Variants in SEPTIN9 observed in about 807,000 individuals in gnomAD.
SEPTIN9 encodes the protein septin 9.
A neutral mutation model predicts 56.6 loss-of-function variants in SEPTIN9; 13 were observed. The ratio of observed to expected loss-of-function variants is 0.23; its 90% CI spans 0.15 to 0.37. The LOEUF (loss-of-function observed/expected upper bound fraction) is 0.37. SEPTIN9 is among the 10% of genes least tolerant of loss of function. The probability of loss-of-function intolerance (pLI) is 1.00; values close to 1 mark genes in which losing one functional copy is unlikely to be tolerated. For missense variants in SEPTIN9, 650 were observed against 823.1 expected (o/e 0.79, Z 2.57); for synonymous variants, 332 against 334.1 (o/e 0.99, Z 0.07).
At chr17:77,351,816 A>C (rs1299971844) in intron 2 of SEPTIN9, among the ~76,000 whole-genome samples, 1 of 152,242 alleles carries the variant, frequency 6.6e-6, no homozygotes, top group East Asian at 1.9e-4. Flanking sequence ...GGTGCAGAGA[A>C]GGGAACTGAG....
intron 3 of SEPTIN9, among the ~76,000 whole-genome samples, chr17:77,479,168 A>G (rs989362918): frequency 7.2e-5 from 11 of 152,198 alleles, no homozygotes; most frequent in African/African-American, 2.7e-4. Flanking sequence ...CGTTATGACA[A>G]TTAAAAGGAA....
At chr17:77,404,998 C>T (rs2036016315) in intron 3 of SEPTIN9, 3 of 1,294,352 alleles carry the variant, frequency 2.3e-6, no homozygotes, top group Admixed American at 4.5e-5. Context: ...GTGCCGGATA[C>T]ACCCCCATCC....
chr17:77,496,754 G>T (rs757533083), intron 10 of SEPTIN9, among the ~76,000 whole-genome samples: 2 of 152,218 alleles, frequency 1.3e-5, no homozygotes, highest in Non-Finnish European at 2.9e-5. Context: ...GTGAATGGTC[G>T]TCCACAGTAC....
At chr17:77,398,776 G>C (rs967961901) in intron 2 of SEPTIN9, among the ~76,000 whole-genome samples, 2 of 152,214 alleles carry the variant, frequency 1.3e-5, no homozygotes, top group African/African-American at 4.8e-5. Flanking sequence ...ACTCGCCTTT[G>C]AGCAGCGCCG....
At chr17:77,480,867 G>T (rs531733279) in intron 3 of SEPTIN9, among the ~76,000 whole-genome samples, 1 of 152,170 alleles carries the variant, frequency 6.6e-6, no homozygotes, top group African/African-American at 2.4e-5. Flanking sequence ...GCAGGGCCTG[G>T]ATGGGCCCAA....
intron 2 of SEPTIN9, among the ~76,000 whole-genome samples, chr17:77,351,646 G>T (rs984174108): frequency 6.6e-6 from 1 of 152,256 alleles, no homozygotes; most frequent in Non-Finnish European, 1.5e-5. Flanking sequence ...CATGGGCCAA[G>T]GTCAGAGAGC....
chr17:77,499,648 G>T lies in SEPTIN9; in HGVS notation c.*990G>T. 1 of 434,024 alleles carries T rather than the reference G, an allele frequency of 2.3e-6. No individual in the cohort carries two copies. The highest frequency in any genetic ancestry group is 2.1e-5 in the South Asian group (1 of 48,690). The allele number at this position is 434,024 out of a possible 1,614,324, so 26.9% of individuals were successfully genotyped here. A position where few individuals can be genotyped will look rare whatever the true frequency, so the allele number is the denominator to read the frequency against. On this transcript the variant is annotated 3_prime_UTR_variant, in exon 12 of 12. Coordinates refer to ENST00000427177, the MANE Select transcript of SEPTIN9 (RefSeq NM_001113491.2). ...CCTGCCCAAGTGACCAGGGAAGTGT[G>T]TGTGTGTCCATGTGTATGCGTGTCC...
intron 3 of SEPTIN9, among the ~76,000 whole-genome samples, chr17:77,439,516 C>T (rs1224426274): frequency 6.6e-6 from 1 of 152,194 alleles, no homozygotes; most frequent in African/African-American, 2.4e-5. Flanking sequence ...TGGTGGGCGT[C>T]CCCACCTTGC....
At chr17:77,333,623 T>G (rs1243672937) in intron 2 of SEPTIN9, among the ~76,000 whole-genome samples, 1 of 152,238 alleles carries the variant, frequency 6.6e-6, no homozygotes, top group African/African-American at 2.4e-5. Context: ...TGTGGTTCTC[T>G]CTCTGTGTTC....
intron 3 of SEPTIN9, chr17:77,446,126 T>C (rs982574946): frequency 4.2e-5 from 7 of 167,242 alleles, no homozygotes; most frequent in Admixed American, 6.5e-5. Flanking sequence ...TAACTGCTTA[T>C]CACAAACTCA....
intron 3 of SEPTIN9, among the ~76,000 whole-genome samples, chr17:77,478,087 G>A (rs568067448): frequency 6.6e-6 from 1 of 152,014 alleles, no homozygotes; most frequent in Admixed American, 6.6e-5. Flanking sequence ...AATTCAGTGA[G>A]GGTCTTGTGC....
intron 2 of SEPTIN9, among the ~76,000 whole-genome samples, chr17:77,393,341 C>T (rs1030393248): frequency 6.6e-6 from 1 of 152,144 alleles, no homozygotes; most frequent in Non-Finnish European, 1.5e-5. Flanking sequence ...CTGCTCACTC[C>T]TTCCAGCCTT....
chr17:77,355,699 C>G (rs1049955045), intron 2 of SEPTIN9, among the ~76,000 whole-genome samples: 1 of 151,960 alleles, frequency 6.6e-6, no homozygotes, highest in Non-Finnish European at 1.5e-5. Flanking sequence ...GAAGTGCTCC[C>G]TGGCCGGGCG....
At chr17:77,444,275 G>A (rs57382642) in intron 3 of SEPTIN9, among the ~76,000 whole-genome samples, 5,569 of 152,250 alleles carry the variant, frequency 0.037, 308 homozygotes, top group African/African-American at 0.12. Context: ...GTGATAAAGC[G>A]GGAGGGGTCC....
intron 1 of SEPTIN9, among the ~76,000 whole-genome samples, chr17:77,282,229 C>T (rs1432097559): frequency 6.6e-6 from 1 of 152,204 alleles, no homozygotes; most frequent in Admixed American, 6.5e-5. Context: ...TTCCATTTCA[C>T]AGATGGGCAC....
intron 3 of SEPTIN9, chr17:77,472,839 T>A (rs552295690): frequency 2.0e-5 from 3 of 152,190 alleles, no homozygotes; most frequent in Non-Finnish European, 4.4e-5. Context: ...AGTTAACAAA[T>A]TAGATGAGCT....
chr17:77,463,388 G>T lies in SEPTIN9; in HGVS notation c.722-18756G>T, dbSNP rs151056549. On this transcript the variant is annotated intron_variant, in intron 3 of 11. Transcript: ENST00000427177. ...TTTGCCCCGAGAATACTCACCAGCA[G>T]TGCTTGTGGCTGCAGCGTTCACCCC... Among the ~76,000 whole-genome samples, 8 of 152,310 alleles carry T rather than the reference G, an allele frequency of 5.3e-5. No homozygotes were observed. In the South Asian group the frequency reaches 1.2e-3, roughly 24 times the overall value.
rs11077901 is a variant in SEPTIN9, at chr17:77,327,289, T to C, written c.76+20092T>C. On this transcript the variant is annotated intron_variant, in intron 2 of 11. Transcript: ENST00000427177. The surrounding 1 kb of genome is among the most constrained non-coding windows in gnomAD (Gnocchi z 5.0). ...GCTCCCACCAGGGGCTGAGGCCTCC[T>C]TGCTCACTCCAGCTTCCTGGCCCGT... 0.68 allele frequency among the ~76,000 whole-genome samples: 103,589 copies of C among 151,902 alleles called. 35,390 individuals are homozygous for C. Among genetic ancestry groups the C allele is most frequent in the East Asian group, 0.78 (4,025 of 5,132 alleles).
At chr17:77,409,028 G>C (rs1241302755) in intron 3 of SEPTIN9, among the ~76,000 whole-genome samples, 3 of 152,090 alleles carry the variant, frequency 2.0e-5, no homozygotes, top group Admixed American at 6.5e-5. Context: ...TTTCTGTGGG[G>C]CTGTGTGCTT....
Sources: gnomAD v4.1 joint callset for allele counts (sites outside exome capture counted in the v4.1 genomes callset) on GRCh38, gnomAD v4.1.1 for gene constraint, Gnocchi (gnomAD v3.1) non-coding constraint, MANE v1.5 for transcripts, NCBI Gene and HGNC (gene_info 2026-07-23, HGNC 2026-07-21) for gene names.